Variants in CACNB4 observed in about 807,000 individuals in gnomAD.
CACNB4 encodes the protein voltage-dependent L-type calcium channel subunit beta-4.
CACNB4 carries 32 observed loss-of-function variants against 71.2 expected under a neutral mutation model. That is an observed-to-expected ratio of 0.45 (90% CI 0.34 to 0.60). CACNB4 has a LOEUF of 0.60. CACNB4 is among the 20% of genes least tolerant of loss of function. The pLI is 0.01. For missense variants in CACNB4, 464 were observed against 647.9 expected (o/e 0.72, Z 3.08); for synonymous variants, 231 against 236.9 (o/e 0.97, Z 0.23).
intron 4 of CACNB4, among the ~76,000 whole-genome samples, chr2:151,878,550 TACACACACAC>T (rs60040188): frequency 7.7e-6 from 1 of 129,878 alleles, no homozygotes; most frequent in Non-Finnish European, 1.6e-5. Flanking sequence ...AGACCCTGTC[TACACACACAC>T]ACACACACAC....
chr2:151,947,097 A>G (rs1023322580), intron 2 of CACNB4, among the ~76,000 whole-genome samples: 4 of 152,206 alleles, frequency 2.6e-5, no homozygotes, highest in Admixed American at 2.6e-4. Context: ...CAGAAAAAGC[A>G]ACCCCATGAA....
At chr2:151,975,783 G>C (rs2099873679) in intron 2 of CACNB4, among the ~76,000 whole-genome samples, 1 of 152,160 alleles carries the variant, frequency 6.6e-6, no homozygotes. Flanking sequence ...AGAAAACTGA[G>C]ACAAGAGGTT....
At chr2:151,962,481 C>T (rs72621650) in intron 2 of CACNB4, among the ~76,000 whole-genome samples, 9,326 of 151,898 alleles carry the variant, frequency 0.061, 558 homozygotes, top group Admixed American at 0.19. Context: ...AAAAATATTG[C>T]TACTGAATCA....
intron 8 of CACNB4, chr2:151,869,889 G>A (rs1021771698): frequency 1.5e-5 from 5 of 332,848 alleles, no homozygotes; most frequent in African/African-American, 6.4e-5. Context: ...CCTGGAGGCT[G>A]CTCACCTTCA....
At chr2:152,057,169 G>A (rs570357090) in intron 2 of CACNB4, among the ~76,000 whole-genome samples, 15 of 152,266 alleles carry the variant, frequency 9.9e-5, no homozygotes, top group East Asian at 7.7e-4. Context: ...GTGGTCTCCT[G>A]TCAACAGCCA....
chr2:151,954,437 T>G (rs1409755144), intron 2 of CACNB4, among the ~76,000 whole-genome samples: 1 of 152,244 alleles, frequency 6.6e-6, no homozygotes, highest in African/African-American at 2.4e-5. Flanking sequence ...AGAGAAATTT[T>G]CATTGCCAAG....
In CACNB4 at chr2:151,876,540, C is replaced by A; in HGVS notation, c.407G>T (p.Trp136Leu). The change falls in exon 5 of 14, where the codon TGG becomes TTG. Residue 136 changes from tryptophan (W) to leucine (L), a missense_variant. Around this residue, in one of 3 missense-constraint regions of CACNB4, gnomAD observed 299 missense variants for 471.7 expected, o/e 0.63. Transcript: ENST00000539935. ...LHIKEKYNND[W>L]WIGRLVKEGC... ...CTCTTTCACCAGCCTTCCTATCCACCAATCATTGTTATATTTCTGGAATTC... is the reference window on the plus strand; with the variant it reads ...CTCTTTCACCAGCCTTCCTATCCACAAATCATTGTTATATTTCTGGAATTC... 1 of 1,597,552 alleles carries A rather than the reference C, an allele frequency of 6.3e-7. No homozygotes were observed. Among genetic ancestry groups the A allele is most frequent in the Non-Finnish European group, 8.6e-7 (1 of 1,169,422 alleles).
intron 2 of CACNB4, among the ~76,000 whole-genome samples, chr2:151,886,862 C>A (rs970655761): frequency 6.6e-6 from 1 of 151,176 alleles, no homozygotes; most frequent in East Asian, 1.9e-4. Flanking sequence ...TGAACATATC[C>A]CAGAAAAAAA....
chr2:151,902,390 T>C (rs13030833), intron 2 of CACNB4, among the ~76,000 whole-genome samples: 144,671 of 152,162 alleles, frequency 0.95, 69,213 homozygotes, highest in East Asian at 1. Context: ...GCCTTGTACA[T>C]GAAAGACACT....
intron 2 of CACNB4, among the ~76,000 whole-genome samples, chr2:151,965,599 T>C (rs1367851844): frequency 6.6e-6 from 1 of 152,334 alleles, no homozygotes; most frequent in East Asian, 1.9e-4. Flanking sequence ...ATTTAAAATA[T>C]TTTTATATCA....
intron 2 of CACNB4, among the ~76,000 whole-genome samples, chr2:152,005,314 A>G (rs1682660516): frequency 6.6e-6 from 1 of 152,240 alleles, no homozygotes; most frequent in African/African-American, 2.4e-5. Context: ...AACGTGGGAC[A>G]TATACATCAG....
At chr2:151,895,682 CAG>C (rs768898769) in intron 2 of CACNB4, among the ~76,000 whole-genome samples, 10 of 151,468 alleles carry the variant, frequency 6.6e-5, no homozygotes, top group Non-Finnish European at 7.4e-5. Flanking sequence ...CATATTTTTA[CAG>C]AGTTATACAG....
rs1324971994 is a variant in CACNB4 at position 152,098,710 on chromosome 2, G to A, written c.63+239C>T. 1.3e-6 allele frequency: 2 copies of A among 1,554,970 alleles called. No individual in the cohort carries two copies. The highest frequency in any genetic ancestry group is 2.4e-5 in the East Asian group (1 of 41,526). Reference sequence around the variant, plus strand: ...CGGCATCCGCTGGGGGAGGCTGCGGGCTCCGGAGCGGGAGCGCAGAGACCC... The same window carrying A: ...CGGCATCCGCTGGGGGAGGCTGCGGACTCCGGAGCGGGAGCGCAGAGACCC... On this transcript the variant is annotated intron_variant, in intron 1 of 13. Coordinates refer to ENST00000539935, the MANE Select transcript of CACNB4 (RefSeq NM_000726.5). The surrounding 1 kb of genome is among the most constrained non-coding windows in gnomAD (Gnocchi z 5.3).
At chr2:152,050,172 C>T (rs1261974654) in intron 2 of CACNB4, among the ~76,000 whole-genome samples, 2 of 152,216 alleles carry the variant, frequency 1.3e-5, no homozygotes, top group African/African-American at 2.4e-5. Context: ...GTGCTGGGCC[C>T]GCTGCCTGTC....
At chr2:151,892,638 G>C (rs1457963851) in intron 2 of CACNB4, among the ~76,000 whole-genome samples, 3 of 152,218 alleles carry the variant, frequency 2.0e-5, no homozygotes, top group African/African-American at 4.8e-5. Context: ...ATCCCCCAGA[G>C]GTGGCTGAAG....
At chr2:151,885,676 T>G (rs1578639211) in intron 2 of CACNB4, among the ~76,000 whole-genome samples, 1 of 152,244 alleles carries the variant, frequency 6.6e-6, no homozygotes, top group African/African-American at 2.4e-5. Flanking sequence ...ATAACCGCAA[T>G]GTGTCCAAAT....
intron 2 of CACNB4, among the ~76,000 whole-genome samples, chr2:151,902,974 C>T (rs1031196514): frequency 6.6e-6 from 1 of 152,086 alleles, no homozygotes; most frequent in East Asian, 1.9e-4. Context: ...CAATCTCTCT[C>T]GAAGGATTGC....
chr2:151,916,690 A>T (rs949528645), intron 2 of CACNB4, among the ~76,000 whole-genome samples: 2 of 152,276 alleles, frequency 1.3e-5, no homozygotes, highest in South Asian at 2.1e-4. Context: ...CTGCAGAGCC[A>T]CAAGAGGAAA....
At position 152,046,428 on chromosome 2, in the gene CACNB4, C is replaced by A. The variant is rs571608259; in HGVS notation, c.147+51902G>T. Among the ~76,000 whole-genome samples, 130 of 152,310 alleles carry A rather than the reference C, an allele frequency of 8.5e-4. 1 individual carries two copies. Among genetic ancestry groups the A allele is most frequent in the Middle Eastern group, 3.4e-3 (1 of 294 alleles). ...ACAGAACAATCACTAAGATGATAAT[C>A]TCTCTATAATTTCTTGCCTACAGCT... On this transcript the variant is annotated intron_variant, in intron 2 of 13. Transcript: ENST00000539935.
Sources: gnomAD v4.1 joint callset for allele counts (sites outside exome capture counted in the v4.1 genomes callset) on GRCh38, gnomAD v4.1.1 for gene constraint, gnomAD v4.1.1 regional missense constraint, Gnocchi (gnomAD v3.1) non-coding constraint, MANE v1.5 for transcripts, NCBI Gene and HGNC (gene_info 2026-07-23, HGNC 2026-07-21) for gene names.